RNF213: variants seen among roughly 807,000 people sequenced by gnomAD.
The protein encoded by RNF213 is ring finger protein 213, also known as E3 ubiquitin-protein ligase RNF213.
A neutral mutation model predicts 514.4 loss-of-function variants in RNF213; 341 were observed. That is an observed-to-expected ratio of 0.66 (90% CI 0.61 to 0.73). The LOEUF (loss-of-function observed/expected upper bound fraction) is 0.73. Among genes scored for constraint, RNF213 ranks in the 30% least tolerant of loss-of-function variants. The probability of loss-of-function intolerance (pLI) is 0.00; values close to 1 mark genes in which losing one functional copy is unlikely to be tolerated. For missense variants in RNF213, 5,767 were observed against 6,615.6 expected, an observed-to-expected ratio of 0.87 and a Z score of 4.45; for synonymous variants, 2,655 against 2,658.2, an observed-to-expected ratio of 1.00 and a Z score of 0.04.
intron 18 of RNF213, among the ~76,000 whole-genome samples, chr17:80,326,037 C>T (rs1196692935): frequency 1.3e-5 from 2 of 152,122 alleles, no homozygotes; most frequent in African/African-American, 4.8e-5. Flanking sequence ...CAGCTCACTG[C>T]AACCTCTGCC....
rs111431858 is a variant in RNF213 at position 80,348,205 on chromosome 17, A to T, written c.9870A>T (p.Arg3290Ser). The change falls in exon 29 of 68, where the codon AGA becomes AGT. Residue 3290 changes from arginine to serine, a missense_variant. By Grantham distance (110) the Arg-to-Ser change is moderately radical. This residue lies in a region of RNF213 where 919 missense variants were observed against 1,121.0 expected (regional missense o/e 0.82). Coordinates refer to ENST00000582970, the MANE Select transcript of RNF213 (RefSeq NM_001256071.3). ...GGCTGTCGCAGGAGTACTTTCACAGACAGAGGCACAACTCCTTTGCAGATT... is the reference window on the plus strand; with the variant it reads ...GGCTGTCGCAGGAGTACTTTCACAGTCAGAGGCACAACTCCTTTGCAGATT... ...AEWLSQEYFH[R>S]QRHNSFADFL... 1.5e-5 allele frequency: 25 copies of T among 1,613,994 alleles called. No homozygotes were observed. Among genetic ancestry groups the T allele is most frequent in the African/African-American group, 1.2e-4 (9 of 75,072 alleles).
At chr17:80,325,369 C>T (rs2046252598) in intron 18 of RNF213, among the ~76,000 whole-genome samples, 171 bp downstream of exon 18, 1 of 152,040 alleles carries the variant, frequency 6.6e-6, no homozygotes, top group Non-Finnish European at 1.5e-5. Flanking sequence ...GAGTGTCTTG[C>T]GTTGTAAATA....
At position 80,360,118 on chromosome 17, in the gene RNF213, C is replaced by T. The variant is rs763220829; in HGVS notation, c.11112C>T (p.Asn3704=). Residue 3704 remains asparagine (N), a synonymous_variant, in exon 38 of 68, where the codon AAC becomes AAT. Coordinates refer to ENST00000582970, the MANE Select transcript of RNF213 (RefSeq NM_001256071.3). ...VVQNHMNLSE[N]ASNNVPFSWK... is the part of the protein sequence containing the mutation. Reference sequence around the variant, plus strand: ...AGAACCACATGAACCTTTCCGAGAACGCTTCCAACAACGTCCCTTTCAGCT... The same window carrying T: ...AGAACCACATGAACCTTTCCGAGAATGCTTCCAACAACGTCCCTTTCAGCT... The T allele has an allele frequency of 3.5e-5, 56 of 1,614,000 alleles. No individual in the cohort carries two copies. The highest frequency in any genetic ancestry group is 1.2e-4 in the African/African-American group (9 of 74,908).
rs71163953 is a variant in RNF213 at position 80,396,274 on chromosome 17, A to AATAAC, written c.*2780_*2781insCATAA. 0.84 allele frequency: 126,841 copies of AATAAC among 151,602 alleles called. 53,967 individuals carry two copies. Among genetic ancestry groups the AATAAC allele is most frequent in the African/African-American group, 0.96 (39,718 of 41,382 alleles). 9.4% of individuals were successfully genotyped at this position (151,602 alleles called of 1,614,324 possible). ...GAGACCCTGTCTCAAAAAAAAATAA[A>AATAAC]ATAAGGACCTTATTGTGTGTGCAAA... On this transcript the variant is annotated 3_prime_UTR_variant, in exon 68 of 68. Transcript: ENST00000582970.
At chr17:80,379,315 A>C in intron 54 of RNF213, 2 of 407,654 alleles carry the variant, frequency 4.9e-6, no homozygotes, top group Middle Eastern at 7.7e-4. Flanking sequence ...GAGGGATGGA[A>C]AAAGTGCTGA....
At position 80,353,020 on chromosome 17, in the gene RNF213, A is replaced by G. The variant is rs1568117330; in HGVS notation, c.10384A>G (p.Thr3462Ala). The G allele has an allele frequency of 6.2e-7, 1 of 1,613,626 alleles. No homozygotes were observed. Among genetic ancestry groups the G allele is most frequent in the Admixed American group, 1.7e-5 (1 of 60,030 alleles). ...VSDVTRLQHV[T>A]ISQLFAPGDL... Reference sequence around the variant, plus strand: ...TGATGTGACCAGGCTGCAGCATGTCACCATCAGCCAGCTGTTCGCGCCCGG... The same window carrying G: ...TGATGTGACCAGGCTGCAGCATGTCGCCATCAGCCAGCTGTTCGCGCCCGG... The change falls in exon 33 of 68, where the codon ACC (threonine) becomes GCC (alanine). Residue 3462 changes from threonine (T) to alanine (A), a missense_variant. This residue lies in a region of RNF213 where 919 missense variants were observed against 1,121.0 expected (regional missense o/e 0.82). Coordinates refer to ENST00000582970, the MANE Select transcript of RNF213 (RefSeq NM_001256071.3). This position sits in a 1 kb window ranked among gnomAD's most constrained non-coding sequence, Gnocchi z 5.0.
chr17:80,381,618 C>T lies in RNF213; in HGVS notation c.13869C>T (p.Asp4623=). The change falls in exon 57 of 68, where the codon GAC becomes GAT. Residue 4623 remains aspartate (D), a synonymous_variant. Coordinates refer to ENST00000582970, the MANE Select transcript of RNF213 (RefSeq NM_001256071.3). ...TTCTGCAGCAGCACATCCTGAAGGACCTGGAGCAGTTGGCCAAGATGCTGG... is the reference window on the plus strand; with the variant it reads ...TTCTGCAGCAGCACATCCTGAAGGATCTGGAGCAGTTGGCCAAGATGCTGG... ...KGFLQQHILK[D]LEQLAKMLGH... The T allele has an allele frequency of 6.2e-7, 1 of 1,614,230 alleles. No individual in the cohort carries two copies. The highest frequency in any genetic ancestry group is 2.2e-5 in the East Asian group (1 of 44,888).
intron 17 of RNF213, chr17:80,319,922 A>C: frequency 9.6e-7 from 1 of 1,046,390 alleles, no homozygotes; most frequent in Non-Finnish European, 1.2e-6. Context: ...AAGTCCAGAA[A>C]CATTGAGGTC....
At chr17:80,352,140 A>G (rs1049954354) in intron 32 of RNF213, 1 of 264,446 alleles carries the variant, frequency 3.8e-6, no homozygotes, top group Non-Finnish European at 7.3e-6. Flanking sequence ...GGTGTGAGCC[A>G]CCGCACCCAG....
At position 80,364,435 on chromosome 17, in the gene RNF213, C is replaced by T. The variant is rs2079177794; in HGVS notation, c.11753C>T (p.Ala3918Val). Residue 3918 changes from alanine to valine, a missense_variant and splice_region_variant, in exon 42 of 68, where the codon GCC becomes GTC. Physicochemically the swap from Ala to Val is moderately conservative, Grantham distance 64 (BLOSUM62 0). Coordinates refer to ENST00000582970, the MANE Select transcript of RNF213 (RefSeq NM_001256071.3). ...LAQAVIREVR[A>V]QWSRIFSTAL... ...TGAGTGGCGCCCTCTTTTGACAGAG[C>T]CCAGTGGAGTCGGATTTTCTCCACC... The T allele has an allele frequency of 6.2e-7, 1 of 1,614,170 alleles. No individual in the cohort carries two copies. The highest frequency in any genetic ancestry group is 1.3e-5 in the African/African-American group (1 of 75,040).
chr17:80,281,338 CCACA>C (rs141059502), intron 3 of RNF213, among the ~76,000 whole-genome samples: 1 of 56,426 alleles, frequency 1.8e-5, no homozygotes, highest in Non-Finnish European at 3.9e-5. Flanking sequence ...ACACACGCCC[CCACA>C]CACACACCCC....
chr17:80,354,367 G>T, intron 35 of RNF213, 74 bp from the exon 36 acceptor site: 1 of 1,609,552 alleles, frequency 6.2e-7, no homozygotes, highest in Non-Finnish European at 8.5e-7. Context: ...TCCTGGGGGA[G>T]GTGGGACAGA....
At chr17:80,329,250 G>A (rs1344504461) in intron 20 of RNF213, among the ~76,000 whole-genome samples, 1 of 152,252 alleles carries the variant, frequency 6.6e-6, no homozygotes, top group African/African-American at 2.4e-5. Flanking sequence ...AAAAGGGCGT[G>A]TAAGAGGTTA....
In RNF213 at chr17:80,397,770, T is replaced by A. The variant is rs1020973178; in HGVS notation, c.*4272T>A. 6.6e-6 allele frequency: 1 copy of A among 151,282 alleles called. No individual in the cohort carries two copies. Among genetic ancestry groups the A allele is most frequent in the African/African-American group, 2.4e-5 (1 of 41,150 alleles). 9.4% of individuals were successfully genotyped at this position (151,282 alleles called of 1,614,324 possible). A position where few individuals can be genotyped will look rare whatever the true frequency, so the allele number is the denominator to read the frequency against. ...TGTCTGAGGGGTTTTCTCTGCAGCT[T>A]GTCCTGCTACATTTCTTGGTTCCCT... On this transcript the variant is annotated 3_prime_UTR_variant, in exon 68 of 68. Transcript: ENST00000582970.
At position 80,353,833 on chromosome 17, in the gene RNF213, G is replaced by T; in HGVS notation, c.10578+167G>T. The stretch of plus-strand genomic sequence containing the variant: ...TGACGGTCTTGTTGCTGGTTACTGG[G>T]GGTCAAGGGCATCTGCACCGGCAGT... On this transcript the variant is annotated intron_variant, in intron 34 of 67. Coordinates refer to ENST00000582970, the MANE Select transcript of RNF213 (RefSeq NM_001256071.3). This position sits in a 1 kb window ranked among gnomAD's most constrained non-coding sequence, Gnocchi z 5.0. 1 of 1,208,520 alleles carries T rather than the reference G, an allele frequency of 8.3e-7. No homozygotes were observed. The allele number at this position is 1,208,520 out of a possible 1,614,324, so 74.9% of individuals were successfully genotyped here.
Position 80,287,797 on chromosome 17 carries a change from G to C in RNF213, c.262-18G>C, listed in dbSNP as rs2044526270. Reference sequence around the variant, plus strand: ...AGTAAATCTAAGAAATAAAGTGAGTGTCTCTCTTTCTGTTTAGAGCAAAAA... The same window carrying C: ...AGTAAATCTAAGAAATAAAGTGAGTCTCTCTCTTTCTGTTTAGAGCAAAAA... On this transcript the variant is annotated intron_variant, in intron 3 of 67. Transcript: ENST00000582970. 4 of 1,610,364 alleles carry C rather than the reference G, an allele frequency of 2.5e-6. No individual in the cohort carries two copies. The highest frequency in any genetic ancestry group is 2.5e-6 in the Non-Finnish European group (3 of 1,176,816).
rs2080680143 is a variant in RNF213, at chr17:80,397,020, TC to T, written c.*3524del. Reference sequence around the variant, plus strand: ...ATAAGGGTCCTACCTTCCCCAGTATTCCTTCATGATCACTGCTACCTGTGCC... The same window carrying T: ...ATAAGGGTCCTACCTTCCCCAGTATTCTTCATGATCACTGCTACCTGTGCC... On this transcript the variant is annotated 3_prime_UTR_variant, in exon 68 of 68. Transcript: ENST00000582970. 6.6e-6 allele frequency: 1 copy of T among 152,270 alleles called. No homozygotes were observed. Among genetic ancestry groups the T allele is most frequent in the East Asian group, 1.9e-4 (1 of 5,178 alleles). 9.4% of individuals were successfully genotyped at this position (152,270 alleles called of 1,614,324 possible). A position where few individuals can be genotyped will look rare whatever the true frequency, so the allele number is the denominator to read the frequency against.
In RNF213 at chr17:80,328,006, T is replaced by TA. The variant is rs1568077355; in HGVS notation, c.3367+18dup. 3 of 1,537,090 alleles carry TA rather than the reference T, an allele frequency of 2.0e-6. No individual in the cohort carries two copies. The highest frequency in any genetic ancestry group is 2.4e-5 in the East Asian group (1 of 40,920). On this transcript the variant is annotated intron_variant, in intron 19 of 67. Transcript: ENST00000582970. ...GGCAACTGAGTAAGCATCGAGTCGA[T>TA]ACGCACTTCAGGCTCCTGAGGCATT... is the stretch of plus-strand genomic sequence containing the variant.
chr17:80,287,271 A>G (rs1485356741), intron 3 of RNF213, among the ~76,000 whole-genome samples: 2 of 152,150 alleles, frequency 1.3e-5, no homozygotes, highest in Non-Finnish European at 2.9e-5. Context: ...CGAGATGGGC[A>G]GATTGCCTGA....
Sources: gnomAD v4.1 joint callset for allele counts (sites outside exome capture counted in the v4.1 genomes callset) on GRCh38, gnomAD v4.1.1 for gene constraint, gnomAD v4.1.1 regional missense constraint, Gnocchi (gnomAD v3.1) non-coding constraint, MANE v1.5 for transcripts, NCBI Gene and HGNC (gene_info 2026-07-23, HGNC 2026-07-21) for gene names.